The following B4GALT5 variants were observed in gnomAD, a reference collection of about 807,000 sequenced individuals.
The protein encoded by B4GALT5 is UDP-Gal:beta-GlcNAc beta-1,4-galactosyltransferase 5.
Under a neutral mutation model 45.0 loss-of-function variants are expected in B4GALT5, and 11 were observed. That is an observed-to-expected ratio of 0.24 (90% CI 0.15 to 0.40). The LOEUF (loss-of-function observed/expected upper bound fraction) is 0.40. B4GALT5 is among the 10% of genes least tolerant of loss of function. The probability of loss-of-function intolerance (pLI) is 1.00; values close to 1 mark genes in which losing one functional copy is unlikely to be tolerated. For synonymous variants in B4GALT5, 185 were observed against 182.9 expected, an observed-to-expected ratio of 1.01 and a Z score of -0.09; for missense variants, 337 against 500.2, an observed-to-expected ratio of 0.67 and a Z score of 3.11.
intron 3 of B4GALT5, among the ~76,000 whole-genome samples, chr20:49,645,297 G>C (rs564000057): frequency 4.6e-5 from 7 of 152,358 alleles, no homozygotes; most frequent in African/African-American, 1.7e-4. Context: ...ATTTTCACCA[G>C]TGACGGATGG....
intron 1 of B4GALT5, among the ~76,000 whole-genome samples, chr20:49,680,863 G>A (rs2085761149): frequency 6.6e-6 from 1 of 151,766 alleles, no homozygotes; most frequent in South Asian, 2.1e-4. Context: ...TCCATAGGCA[G>A]GACAACCTAA....
In B4GALT5 at chr20:49,636,221, T is replaced by C. The variant is rs1436364519; in HGVS notation, c.*91A>G. On this transcript the variant is annotated 3_prime_UTR_variant, in exon 9 of 9. Transcript: ENST00000371711. ...CATGAGACACAGTATTTCTGTTCTC[T>C]TGCTGTGTAGACCCTCCCCCCTCCA... is the stretch of plus-strand genomic sequence containing the variant. 6.8e-7 allele frequency: 1 copy of C among 1,461,446 alleles called. No homozygotes were observed. Among genetic ancestry groups the C allele is most frequent in the Non-Finnish European group, 9.4e-7 (1 of 1,065,012 alleles). The allele number at this position is 1,461,446 out of a possible 1,614,324, so 90.5% of individuals were successfully genotyped here. A position where few individuals can be genotyped will look rare whatever the true frequency, so the allele number is the denominator to read the frequency against.
intron 1 of B4GALT5, among the ~76,000 whole-genome samples, chr20:49,666,329 C>A (rs907511066): frequency 1.3e-5 from 2 of 152,184 alleles, no homozygotes; most frequent in Admixed American, 1.3e-4. Context: ...AAGCTAGACA[C>A]AACTGACCAG....
In B4GALT5 at chr20:49,682,207, G is replaced by A. The variant is rs185127680; in HGVS notation, c.116-25505C>T. The stretch of plus-strand genomic sequence containing the variant: ...AACCAGGAGTCAGAAGCTGTGGTGG[G>A]TGAATCCTGCCCAGTGCCTGCCAGT... On this transcript the variant is annotated intron_variant, in intron 1 of 8. Transcript: ENST00000371711. Among the ~76,000 whole-genome samples, 247 of 152,320 alleles carry A rather than the reference G, an allele frequency of 1.6e-3. 1 individual carries two copies. The highest frequency in any genetic ancestry group is 2.1e-3 in the Non-Finnish European group (141 of 68,024).
chr20:49,665,029 C>T (rs2085683176), intron 1 of B4GALT5, among the ~76,000 whole-genome samples: 1 of 152,114 alleles, frequency 6.6e-6, no homozygotes, highest in African/African-American at 2.4e-5. Flanking sequence ...GGTTAAGTGG[C>T]TTACTGTTCT....
Position 49,642,505 on chromosome 20 carries a change from C to T in B4GALT5, c.569G>A (p.Arg190His), listed in dbSNP as rs1428841656. The change falls in exon 5 of 9, where the codon CGC (arginine) becomes CAC (histidine). Residue 190 changes from arginine to histidine, a missense_variant. Physicochemically the swap from Arg to His is conservative, Grantham distance 29. Transcript: ENST00000371711. The stretch of plus-strand genomic sequence containing the variant: ...ATAAAATGCAAACTGCAAGCGCTGG[C>T]GCTGGAGCATGGGAAGCAGGTGTCT... Reference protein sequence around the residue: ...LFRHLLPMLQRQRLQFAFYVV... With the variant: ...LFRHLLPMLQHQRLQFAFYVV... The T allele has an allele frequency of 9.3e-6, 15 of 1,614,084 alleles. No individual in the cohort carries two copies. Among genetic ancestry groups the T allele is most frequent in the African/African-American group, 1.3e-5 (1 of 75,036 alleles).
intron 1 of B4GALT5, among the ~76,000 whole-genome samples, chr20:49,709,444 G>A (rs954057603): frequency 2.6e-5 from 4 of 152,000 alleles, no homozygotes; most frequent in Non-Finnish European, 5.9e-5. Context: ...TTAAATTGCT[G>A]ATATAAAACA....
intron 1 of B4GALT5, among the ~76,000 whole-genome samples, chr20:49,684,424 G>A (rs886947976): frequency 4.6e-5 from 7 of 152,068 alleles, no homozygotes; most frequent in Non-Finnish European, 8.8e-5. Context: ...TTAGCTGAGC[G>A]TGGCAGTGTG....
chr20:49,704,960 C>A (rs1219626012), intron 1 of B4GALT5, among the ~76,000 whole-genome samples: 1 of 151,592 alleles, frequency 6.6e-6, no homozygotes, highest in East Asian at 1.9e-4. Context: ...AGGAACAATA[C>A]CCAGGGTCTA....
chr20:49,698,085 G>A (rs906647835), intron 1 of B4GALT5, among the ~76,000 whole-genome samples: 1 of 152,130 alleles, frequency 6.6e-6, no homozygotes, highest in Non-Finnish European at 1.5e-5. Context: ...TACTCGAGAG[G>A]CAGAGGCAGG....
chr20:49,707,913 CTT>C (rs757359416), intron 1 of B4GALT5, among the ~76,000 whole-genome samples: 118 of 135,798 alleles, frequency 8.7e-4, no homozygotes, highest in Admixed American at 2.3e-3. Context: ...CTTGCCCAGC[CTT>C]TTTTTTTTTT....
intron 1 of B4GALT5, among the ~76,000 whole-genome samples, chr20:49,700,414 C>T (rs1266459619): frequency 6.6e-6 from 1 of 152,156 alleles, no homozygotes; most frequent in African/African-American, 2.4e-5. Flanking sequence ...CAGGCTCATG[C>T]GATCCCAAGT....
chr20:49,666,321 G>A (rs1319433916), intron 1 of B4GALT5, among the ~76,000 whole-genome samples: 2 of 152,084 alleles, frequency 1.3e-5, no homozygotes, highest in Non-Finnish European at 2.9e-5. Flanking sequence ...AAGATATAAA[G>A]CTAGACACAA....
chr20:49,685,017 C>T (rs970211282), intron 1 of B4GALT5, among the ~76,000 whole-genome samples: 1 of 152,062 alleles, frequency 6.6e-6, no homozygotes, highest in Admixed American at 6.5e-5. Context: ...AGTTTCCATG[C>T]TGTTATTTTA....
intron 1 of B4GALT5, among the ~76,000 whole-genome samples, chr20:49,673,378 T>C (rs1474228837): frequency 2.7e-5 from 3 of 111,608 alleles, no homozygotes; most frequent in Non-Finnish European, 6.5e-5. Context: ...AGACTCCAAC[T>C]CAAAAAAAAA....
intron 1 of B4GALT5, among the ~76,000 whole-genome samples, chr20:49,700,700 C>T (rs557955574): frequency 4.7e-4 from 72 of 152,252 alleles, no homozygotes; most frequent in Non-Finnish European, 8.8e-4. Context: ...ATAATCCAGA[C>T]GACTACTAAA....
intron 1 of B4GALT5, among the ~76,000 whole-genome samples, chr20:49,657,386 C>A (rs1371730300): frequency 3.9e-5 from 6 of 152,186 alleles, no homozygotes; most frequent in Non-Finnish European, 1.5e-5. Context: ...ACCTGCCAAT[C>A]TTGTCTTCTT....
intron 5 of B4GALT5, among the ~76,000 whole-genome samples, chr20:49,642,038 C>A (rs2085579436): frequency 1.3e-5 from 2 of 152,074 alleles, no homozygotes; most frequent in African/African-American, 4.8e-5. Flanking sequence ...AAAACAAAAC[C>A]AAACCCTCAG....
intron 1 of B4GALT5, among the ~76,000 whole-genome samples, chr20:49,688,370 C>T (rs1173828033): frequency 6.6e-6 from 1 of 152,132 alleles, no homozygotes; most frequent in Non-Finnish European, 1.5e-5. Context: ...GTTCAGGACA[C>T]ACCATGGGGG....
Sources: gnomAD v4.1 joint callset for allele counts (sites outside exome capture counted in the v4.1 genomes callset) on GRCh38, gnomAD v4.1.1 for gene constraint, MANE v1.5 for transcripts, NCBI Gene and HGNC (gene_info 2026-07-23, HGNC 2026-07-21) for gene names.